GABRG3: variants seen among roughly 807,000 people sequenced by gnomAD.
The protein encoded by GABRG3 is gamma-aminobutyric acid receptor subunit gamma-3.
A neutral mutation model predicts 48.8 loss-of-function variants in GABRG3; 25 were observed. That is an observed-to-expected ratio of 0.51 (90% confidence interval 0.37 to 0.72). The LOEUF (loss-of-function observed/expected upper bound fraction) is 0.72. Among genes scored for constraint, GABRG3 ranks in the 30% least tolerant of loss-of-function variants. GABRG3 has a pLI of 0.00. For missense variants in GABRG3, 394 were observed against 577.9 expected, an observed-to-expected ratio of 0.68 and a Z score of 3.26; for synonymous variants, 227 against 217.6, an observed-to-expected ratio of 1.04 and a Z score of -0.38.
At chr15:27,010,938 C>T (rs912190862) in intron 2 of GABRG3, among the ~76,000 whole-genome samples, 20 of 152,108 alleles carry the variant, frequency 1.3e-4, no homozygotes, top group Admixed American at 8.5e-4. Flanking sequence ...CTCTGCCTCC[C>T]GGGTTCCAGC....
chr15:27,266,283 CT>C (rs34916456), intron 3 of GABRG3, among the ~76,000 whole-genome samples: 1 of 150,786 alleles, frequency 6.6e-6, no homozygotes, highest in African/African-American at 2.4e-5. Context: ...GATTGGAATT[CT>C]TTTTTTTTCT....
At chr15:27,136,061 G>C (rs552685777) in intron 3 of GABRG3, among the ~76,000 whole-genome samples, 2 of 152,326 alleles carry the variant, frequency 1.3e-5, no homozygotes, top group East Asian at 3.9e-4. Flanking sequence ...AGCACCACGA[G>C]GGGTGGCAGG....
intron 5 of GABRG3, among the ~76,000 whole-genome samples, chr15:27,466,122 C>A (rs951476278): frequency 6.6e-6 from 1 of 152,186 alleles, no homozygotes; most frequent in Admixed American, 6.5e-5. Flanking sequence ...TGCCAGACCG[C>A]ACTGAGTTGA....
intron 3 of GABRG3, among the ~76,000 whole-genome samples, chr15:27,248,134 A>G (rs916137674): frequency 6.6e-6 from 1 of 152,094 alleles, no homozygotes; most frequent in Non-Finnish European, 1.5e-5. Context: ...CCACCTCCTT[A>G]TTTTCTAACT....
chr15:27,417,133 C>T (rs1887961939), intron 5 of GABRG3, among the ~76,000 whole-genome samples: 1 of 152,108 alleles, frequency 6.6e-6, no homozygotes. Context: ...GTGGGTGCTG[C>T]TGGTATGCAG....
At position 27,485,884 on chromosome 15, in the gene GABRG3, A is replaced by G. The variant is rs551896163; in HGVS notation, c.712+5097A>G. On this transcript the variant is annotated intron_variant, in intron 6 of 9. Coordinates refer to ENST00000615808, the MANE Select transcript of GABRG3 (RefSeq NM_033223.5). ...AAAACAGGAAGAGAGAAAGAGATTGACTCTATGATCTCTATAGCAAGCTGC... is the reference window on the plus strand; with the variant it reads ...AAAACAGGAAGAGAGAAAGAGATTGGCTCTATGATCTCTATAGCAAGCTGC... Among the ~76,000 whole-genome samples the G allele has an allele frequency of 7.0e-4, 107 of 152,230 alleles. 1 individual carries two copies. Among genetic ancestry groups the G allele is most frequent in the African/African-American group, 2.6e-3 (107 of 41,530 alleles).
At chr15:27,377,695 G>T (rs543146074) in intron 5 of GABRG3, among the ~76,000 whole-genome samples, 1 of 152,300 alleles carries the variant, frequency 6.6e-6, no homozygotes, top group Non-Finnish European at 1.5e-5. Flanking sequence ...TTCAAGATGA[G>T]ATTTGGGTAC....
At chr15:27,170,762 T>TAAG (rs1036255895) in intron 3 of GABRG3, among the ~76,000 whole-genome samples, 2 of 152,148 alleles carry the variant, frequency 1.3e-5, no homozygotes, top group African/African-American at 4.8e-5. Flanking sequence ...ATGTAACAAA[T>TAAG]AAGATGTGGG....
At chr15:27,222,483 T>C (rs1889484571) in intron 3 of GABRG3, among the ~76,000 whole-genome samples, 2 of 152,242 alleles carry the variant, frequency 1.3e-5, no homozygotes, top group African/African-American at 4.8e-5. Context: ...CTCCTTATTT[T>C]CTAAAGTGAA....
chr15:27,126,226 C>A (rs896162594), intron 3 of GABRG3, among the ~76,000 whole-genome samples: 5 of 152,080 alleles, frequency 3.3e-5, no homozygotes, highest in African/African-American at 1.2e-4. Flanking sequence ...ATTGGATCCC[C>A]ACAAATATCC....
intron 5 of GABRG3, among the ~76,000 whole-genome samples, chr15:27,421,186 C>G (rs1387089444): frequency 1.3e-5 from 2 of 152,186 alleles, no homozygotes; most frequent in Non-Finnish European, 2.9e-5. Flanking sequence ...AAGAATGTCT[C>G]AATTCCCTGG....
chr15:27,296,447 T>A (rs959392068), intron 3 of GABRG3, among the ~76,000 whole-genome samples: 1 of 152,020 alleles, frequency 6.6e-6, no homozygotes, highest in Non-Finnish European at 1.5e-5. Context: ...ATTTATTCCA[T>A]AGGAATAAAT....
chr15:27,469,040 C>G (rs962052949), intron 5 of GABRG3, among the ~76,000 whole-genome samples: 1 of 152,206 alleles, frequency 6.6e-6, no homozygotes, highest in Admixed American at 6.5e-5. Context: ...CAACCAACAG[C>G]AGTAGATTCA....
chr15:27,381,121 G>A (rs996443556), intron 5 of GABRG3, among the ~76,000 whole-genome samples: 4 of 152,038 alleles, frequency 2.6e-5, no homozygotes, highest in African/African-American at 9.7e-5. Flanking sequence ...CCTGGGCTGT[G>A]ACCTTCATAA....
At chr15:27,131,334 C>A (rs1897912840) in intron 3 of GABRG3, among the ~76,000 whole-genome samples, 1 of 151,920 alleles carries the variant, frequency 6.6e-6, no homozygotes, top group East Asian at 1.9e-4. Context: ...TGGTTTATTG[C>A]ACTGATTGAT....
At chr15:27,012,410 G>A (rs1246057530) in intron 2 of GABRG3, among the ~76,000 whole-genome samples, 1 of 152,068 alleles carries the variant, frequency 6.6e-6, no homozygotes, top group African/African-American at 2.4e-5. Context: ...CATCATTCTT[G>A]GAGTTTGATG....
intron 3 of GABRG3, among the ~76,000 whole-genome samples, chr15:27,103,192 C>T (rs115090906): frequency 6.6e-6 from 1 of 152,308 alleles, no homozygotes; most frequent in African/African-American, 2.4e-5. Flanking sequence ...AGGTTCTGGG[C>T]CTGCCCAGAA....
intron 3 of GABRG3, among the ~76,000 whole-genome samples, chr15:27,206,346 A>G (rs1888851207): frequency 1.3e-5 from 2 of 152,092 alleles, no homozygotes; most frequent in Admixed American, 6.5e-5. Flanking sequence ...TTTAATTTCC[A>G]TCTAATGGTA....
At chr15:27,138,666 C>T (rs929640910) in intron 3 of GABRG3, among the ~76,000 whole-genome samples, 2 of 152,166 alleles carry the variant, frequency 1.3e-5, no homozygotes, top group Non-Finnish European at 2.9e-5. Flanking sequence ...TCCTTTGTGC[C>T]AATCCCAGGC....
Sources: gnomAD v4.1 joint callset for allele counts (sites outside exome capture counted in the v4.1 genomes callset) on GRCh38, gnomAD v4.1.1 for gene constraint, MANE v1.5 for transcripts, NCBI Gene and HGNC (gene_info 2026-07-23, HGNC 2026-07-21) for gene names.